Variants in TMEM132B observed in about 807,000 individuals in gnomAD.
The protein encoded by TMEM132B is transmembrane protein 132B.
In TMEM132B, 18 loss-of-function variants were observed where a neutral mutation model predicts 90.8. That is an observed-to-expected ratio of 0.20 (90% confidence interval 0.14 to 0.29). TMEM132B has a LOEUF of 0.29. Among genes scored for constraint, TMEM132B ranks in the 10% least tolerant of loss-of-function variants. The pLI is 1.00. For missense variants in TMEM132B, 1,096 were observed against 1,326.8 expected, an observed-to-expected ratio of 0.83 and a Z score of 2.70; for synonymous variants, 504 against 523.3, an observed-to-expected ratio of 0.96 and a Z score of 0.50.
At chr12:125,362,785 A>G (rs559649841) in intron 2 of TMEM132B, among the ~76,000 whole-genome samples, 1 of 152,344 alleles carries the variant, frequency 6.6e-6, no homozygotes, top group South Asian at 2.1e-4. Context: ...TACACAAGTA[A>G]TACTGTAAAA....
At chr12:125,466,808 T>A (rs1224601127) in intron 3 of TMEM132B, among the ~76,000 whole-genome samples, 1 of 152,216 alleles carries the variant, frequency 6.6e-6, no homozygotes, top group Non-Finnish European at 1.5e-5. Flanking sequence ...TGCATTTCTG[T>A]GACAATGAGT....
chr12:125,434,050 A>C (rs371781957), intron 3 of TMEM132B, among the ~76,000 whole-genome samples: 2 of 152,176 alleles, frequency 1.3e-5, no homozygotes, highest in East Asian at 1.9e-4. Flanking sequence ...CAGAAGTCTA[A>C]AATAAATTTC....
intron 1 of TMEM132B, among the ~76,000 whole-genome samples, chr12:125,290,043 A>G (rs1875491378): frequency 6.6e-6 from 1 of 152,196 alleles, no homozygotes; most frequent in African/African-American, 2.4e-5. Flanking sequence ...AAGCCTGGAT[A>G]TGCCGTGTGT....
intron 4 of TMEM132B, among the ~76,000 whole-genome samples, chr12:125,521,543 G>A (rs1048733331): frequency 2.6e-5 from 4 of 152,194 alleles, no homozygotes; most frequent in Non-Finnish European, 5.9e-5. Context: ...TGAAACAGAT[G>A]AGAAGCAGAT....
chr12:125,525,257 T>G (rs1469305021), intron 4 of TMEM132B, among the ~76,000 whole-genome samples: 1 of 152,222 alleles, frequency 6.6e-6, no homozygotes, highest in East Asian at 1.9e-4. Context: ...CCACAAGTAT[T>G]CATTGCAGTT....
chr12:125,234,310 A>T (rs11058094), intron 1 of TMEM132B, among the ~76,000 whole-genome samples: 5,542 of 152,258 alleles, frequency 0.036, 115 homozygotes, highest in Non-Finnish European at 0.041. Context: ...ATCCTGTGAC[A>T]CCACTGCAAA....
intron 2 of TMEM132B, among the ~76,000 whole-genome samples, chr12:125,393,075 T>TA (rs1475704152): frequency 6.6e-6 from 1 of 152,202 alleles, no homozygotes; most frequent in African/African-American, 2.4e-5. Flanking sequence ...GAGAGAGGCA[T>TA]AAGCACCTTC....
chr12:125,603,996 T>A (rs2136926043), intron 5 of TMEM132B, among the ~76,000 whole-genome samples: 1 of 152,288 alleles, frequency 6.6e-6, no homozygotes, highest in South Asian at 2.1e-4. Flanking sequence ...ACACTGTTGG[T>A]GGGAATGTAA....
chr12:125,508,027 C>A (rs1882888497), intron 3 of TMEM132B, among the ~76,000 whole-genome samples: 1 of 152,164 alleles, frequency 6.6e-6, no homozygotes, highest in Non-Finnish European at 1.5e-5. Flanking sequence ...GTAGAACCAG[C>A]AGGCTTCCTG....
Position 125,599,536 on chromosome 12 carries a change from G to T in TMEM132B, c.1437+15542G>T, listed in dbSNP as rs556450304. On this transcript the variant is annotated intron_variant, in intron 5 of 8. Transcript: ENST00000682704. ...TGGTGAGAATTGAGGGTGGGGATGG[G>T]CTGGTGAGTGGTGTAGGGTGTGTGG... 9.9e-5 allele frequency among the ~76,000 whole-genome samples: 15 copies of T among 152,266 alleles called. No homozygotes were observed. The South Asian group carries it at 2.9e-3, about 29-fold the overall frequency.
intron 3 of TMEM132B, among the ~76,000 whole-genome samples, chr12:125,454,708 G>T (rs556044357): frequency 9.2e-5 from 14 of 152,282 alleles, no homozygotes; most frequent in African/African-American, 3.4e-4. Context: ...ATCCTGTTAG[G>T]TTTCTCCATT....
chr12:125,399,458 A>AGT (rs139362756), intron 2 of TMEM132B, among the ~76,000 whole-genome samples: 3,291 of 132,614 alleles, frequency 0.025, 101 homozygotes, highest in African/African-American at 0.053. Flanking sequence ...TGAAGAAGGA[A>AGT]GTGTGTGTGT....
intron 3 of TMEM132B, among the ~76,000 whole-genome samples, chr12:125,507,969 CA>C (rs1882886814): frequency 6.6e-6 from 1 of 152,058 alleles, no homozygotes; most frequent in Admixed American, 6.5e-5. Context: ...AGGGCAGAAA[CA>C]GTAGATGCAG....
At chr12:125,428,121 A>T (rs1383255920) in intron 3 of TMEM132B, among the ~76,000 whole-genome samples, 1 of 151,896 alleles carries the variant, frequency 6.6e-6, no homozygotes, top group Non-Finnish European at 1.5e-5. Flanking sequence ...CCTCCCAGGT[A>T]GCTGGGACTA....
intron 3 of TMEM132B, among the ~76,000 whole-genome samples, chr12:125,435,531 G>A (rs1336279642): frequency 3.3e-5 from 5 of 152,164 alleles, no homozygotes; most frequent in Non-Finnish European, 4.4e-5. Context: ...TTCCTTCAGC[G>A]CGTATTACAG....
intron 4 of TMEM132B, among the ~76,000 whole-genome samples, chr12:125,549,791 G>A (rs1269211401): frequency 6.6e-6 from 1 of 152,152 alleles, no homozygotes; most frequent in African/African-American, 2.4e-5. Context: ...GTTGTTCACC[G>A]ATCACAGATT....
intron 3 of TMEM132B, among the ~76,000 whole-genome samples, chr12:125,482,434 A>T (rs1882071599): frequency 1.3e-5 from 2 of 152,380 alleles, no homozygotes; most frequent in Admixed American, 6.5e-5. Context: ...CCCATCAAAA[A>T]GTGGGCAAAG....
intron 5 of TMEM132B, among the ~76,000 whole-genome samples, chr12:125,641,057 G>A (rs1029843786): frequency 3.3e-5 from 5 of 152,098 alleles, no homozygotes; most frequent in African/African-American, 4.8e-5. Flanking sequence ...GCCAGAGTAG[G>A]GATTCAGATT....
intron 3 of TMEM132B, among the ~76,000 whole-genome samples, chr12:125,507,029 T>C (rs10846909): frequency 0.48 from 73,466 of 152,136 alleles, 18,183 homozygotes; most frequent in Middle Eastern, 0.64. Context: ...AACAGAAATT[T>C]CCTCATGCTC....
Sources: allele counts gnomAD v4.1 joint callset (sites outside exome capture counted in the v4.1 genomes callset), GRCh38; gene constraint gnomAD v4.1.1; transcripts MANE v1.5; gene names NCBI Gene and HGNC (gene_info 2026-07-23, HGNC 2026-07-21).